Variants in CPVL observed in about 807,000 individuals in gnomAD.
CPVL encodes the protein carboxypeptidase vitellogenic like.
In CPVL, 51 loss-of-function variants were observed where a neutral mutation model predicts 63.7. The ratio of observed to expected loss-of-function variants is 0.80; its 90% CI spans 0.64 to 1.01. The LOEUF is 1.01. CPVL is among the 50% of genes least tolerant of loss of function. The pLI is 0.00. For synonymous variants in CPVL, 195 were observed against 206.0 expected (o/e 0.95, Z 0.46); for missense variants, 530 against 573.1 (o/e 0.92, Z 0.77).
At chr7:29,007,021 C>G (rs192380038) in intron 12 of CPVL, among the ~76,000 whole-genome samples, 7 of 152,336 alleles carry the variant, frequency 4.6e-5, no homozygotes, top group East Asian at 1.9e-4. Flanking sequence ...CCAATTCCCT[C>G]TTTGTTCCTC....
At chr7:29,113,018 G>A in intron 2 of CPVL, 196 bp from the exon 3 acceptor site, 1 of 483,486 alleles carries the variant, frequency 2.1e-6, no homozygotes. Flanking sequence ...ATTTAGCCAA[G>A]GATATGTGAA....
chr7:29,108,504 C>T (rs1787941738), intron 3 of CPVL, among the ~76,000 whole-genome samples: 1 of 152,066 alleles, frequency 6.6e-6, no homozygotes, highest in Non-Finnish European at 1.5e-5. Flanking sequence ...GGTTCAGGTC[C>T]TTCTAATTTA....
At chr7:29,108,581 T>C (rs1483715541) in intron 3 of CPVL, among the ~76,000 whole-genome samples, 3 of 152,222 alleles carry the variant, frequency 2.0e-5, no homozygotes, top group Non-Finnish European at 4.4e-5. Flanking sequence ...CTTGACATTA[T>C]TTGTGTTAAT....
At chr7:29,174,635 C>T (rs371475854) in intron 5 of CPVL, among the ~76,000 whole-genome samples, 138 of 152,208 alleles carry the variant, frequency 9.1e-4, no homozygotes, top group African/African-American at 3.0e-3. Context: ...CCGACTTGGG[C>T]GGATCACCTG....
chr7:29,014,505 T>G (rs1786199417), intron 12 of CPVL, among the ~76,000 whole-genome samples: 1 of 151,806 alleles, frequency 6.6e-6, no homozygotes, highest in Non-Finnish European at 1.5e-5. Context: ...TTAATTCTTT[T>G]AATTTTTTTT....
At chr7:29,157,589 T>C (rs1161365462) in intron 5 of CPVL, among the ~76,000 whole-genome samples, 1 of 152,172 alleles carries the variant, frequency 6.6e-6, no homozygotes, top group East Asian at 1.9e-4. Context: ...CTATGGAAAA[T>C]TGACTATGAT....
At chr7:29,009,353 A>C (rs1428716888) in intron 12 of CPVL, 5 of 152,042 alleles carry the variant, frequency 3.3e-5, no homozygotes, top group African/African-American at 1.2e-4. Flanking sequence ...AATAATCAGA[A>C]CTCTTATACT....
At chr7:29,000,011 A>G (rs547481378) in intron 12 of CPVL, among the ~76,000 whole-genome samples, 3 of 152,286 alleles carry the variant, frequency 2.0e-5, no homozygotes, top group African/African-American at 7.2e-5. Flanking sequence ...TAAATGTGAC[A>G]AGATTAATCT....
chr7:29,096,088 G>A lies in CPVL; in HGVS notation c.403+15C>T. The stretch of plus-strand genomic sequence containing the variant: ...TGAAAGATTCTATAGGAAATACAGT[G>A]CAAGGGATACTTACAGGTCATGTTA... On this transcript the variant is annotated intron_variant, in intron 4 of 12. Coordinates refer to ENST00000265394, the MANE Select transcript of CPVL (RefSeq NM_031311.5). 1 of 1,585,624 alleles carries A rather than the reference G, an allele frequency of 6.3e-7. No individual in the cohort carries two copies.
At position 29,032,624 on chromosome 7, in the gene CPVL, C is replaced by G. The variant is rs1444646598; in HGVS notation, c.1138-1865G>C. ...CCATTCTACGAAGACCTGATTATAGCTGATTAGCAAAGATCATCAAGCATA... is the reference window on the plus strand; with the variant it reads ...CCATTCTACGAAGACCTGATTATAGGTGATTAGCAAAGATCATCAAGCATA... On this transcript the variant is annotated intron_variant, in intron 11 of 12. Coordinates refer to ENST00000265394, the MANE Select transcript of CPVL (RefSeq NM_031311.5). 2.0e-5 allele frequency among the ~76,000 whole-genome samples: 3 copies of G among 152,134 alleles called. No homozygotes were observed. In the East Asian group the frequency reaches 5.8e-4, roughly 29 times the overall value.
Position 29,064,082 on chromosome 7 carries a change from A to T in CPVL, c.1116T>A (p.Thr372=). The part of the protein sequence containing the change: ...DTVQSVKPWL[T]EIMNNYKVLI... ...TTACCTTATAATTATTCATGATTTCAGTTAACCATGGCTTAACTGACTGTA... is the reference window on the plus strand; with the variant it reads ...TTACCTTATAATTATTCATGATTTCTGTTAACCATGGCTTAACTGACTGTA... Residue 372 remains threonine (T), a synonymous_variant, in exon 11 of 13, where the codon ACT becomes ACA. Transcript: ENST00000265394. 1 of 1,612,164 alleles carries T rather than the reference A, an allele frequency of 6.2e-7. No homozygotes were observed.
At chr7:29,001,910 A>ACAG (rs1275908768) in intron 12 of CPVL, among the ~76,000 whole-genome samples, 4 of 152,348 alleles carry the variant, frequency 2.6e-5, no homozygotes, top group Middle Eastern at 3.4e-3. Flanking sequence ...AGCATGTACC[A>ACAG]AACCAATCTT....
intron 1 of CPVL, among the ~76,000 whole-genome samples, chr7:29,145,341 T>C (rs911876460): frequency 3.2e-4 from 49 of 152,198 alleles, no homozygotes; most frequent in African/African-American, 1.2e-3. Flanking sequence ...CTTTTTCATT[T>C]ACTGATGCCA....
intron 5 of CPVL, among the ~76,000 whole-genome samples, chr7:29,163,910 A>C (rs1177431610): frequency 6.6e-6 from 1 of 152,168 alleles, no homozygotes; most frequent in Non-Finnish European, 1.5e-5. Context: ...ATATTTGTCC[A>C]TTTACTTGTT....
intron 11 of CPVL, among the ~76,000 whole-genome samples, chr7:29,037,479 G>A (rs1181309759): frequency 6.6e-6 from 1 of 150,456 alleles, no homozygotes; most frequent in Non-Finnish European, 1.5e-5. Context: ...AGTGAACCTG[G>A]GAGGCGGAGC....
intron 6 of CPVL, among the ~76,000 whole-genome samples, chr7:29,087,423 C>CAA (rs56726137): frequency 0.11 from 7,443 of 70,788 alleles, 349 homozygotes; most frequent in Admixed American, 0.16. Context: ...GACTCTGTCT[C>CAA]AAAAAAAAAA....
upstream of CPVL, chr7:29,146,592 G>C (rs1460188389): frequency 1.3e-6 from 2 of 1,550,192 alleles, no homozygotes; most frequent in Admixed American, 2.0e-5. Context: ...ACATGACCCA[G>C]ACCCACAGGG....
intron 12 of CPVL, among the ~76,000 whole-genome samples, chr7:29,015,022 C>T (rs1291436621): frequency 2.0e-5 from 3 of 152,292 alleles, no homozygotes; most frequent in East Asian, 1.9e-4. Flanking sequence ...ATCGTCCACT[C>T]GAAGGACTAG....
chr7:29,050,347 T>C (rs1336596934), intron 11 of CPVL, among the ~76,000 whole-genome samples: 1 of 152,004 alleles, frequency 6.6e-6, no homozygotes, highest in Non-Finnish European at 1.5e-5. Flanking sequence ...GTAGCTCTTC[T>C]ATACGCAGTG....
Sources: allele counts gnomAD v4.1 joint callset (sites outside exome capture counted in the v4.1 genomes callset), GRCh38; gene constraint gnomAD v4.1.1; transcripts MANE v1.5; gene names NCBI Gene and HGNC (gene_info 2026-07-23, HGNC 2026-07-21).